Variants in CRYL1 observed in about 807,000 individuals in gnomAD.
The protein encoded by CRYL1 is crystallin lambda 1.
In CRYL1, 29 loss-of-function variants were observed where a neutral mutation model predicts 36.6. That is an observed-to-expected ratio of 0.79 (90% CI 0.59 to 1.08). CRYL1 has a LOEUF of 1.08. Ranked by LOEUF, CRYL1 falls within the 50% of genes least tolerant of loss-of-function variation. The probability of loss-of-function intolerance (pLI) is 0.00; values close to 1 mark genes in which losing one functional copy is unlikely to be tolerated. For synonymous variants in CRYL1, 152 were observed against 151.5 expected (o/e 1.00, Z -0.02); for missense variants, 411 against 407.9 (o/e 1.01, Z -0.06).
chr13:20,445,835 A>G (rs1440700632), intron 3 of CRYL1, among the ~76,000 whole-genome samples: 2 of 152,246 alleles, frequency 1.3e-5, no homozygotes, highest in Non-Finnish European at 2.9e-5. Context: ...GCTTATCATA[A>G]GAGAATCAAG....
At position 20,481,768 on chromosome 13, in the gene CRYL1, C is replaced by T. The variant is rs931184780; in HGVS notation, c.276+7602G>A. ...TCTACTAAAAATACAAAACTTAGCC[C>T]GGCATGGTGGTGGGCGCCTATAATC... On this transcript the variant is annotated intron_variant, in intron 3 of 7. Transcript: ENST00000298248. The surrounding 1 kb of genome is among the most constrained non-coding windows in gnomAD (Gnocchi z 4.1). Among the ~76,000 whole-genome samples the T allele has an allele frequency of 3.3e-5, 5 of 151,970 alleles. No homozygotes were observed. Among genetic ancestry groups the T allele is most frequent in the Non-Finnish European group, 1.5e-5 (1 of 67,962 alleles).
At chr13:20,469,254 T>G (rs1273503520) in intron 3 of CRYL1, among the ~76,000 whole-genome samples, 1 of 152,242 alleles carries the variant, frequency 6.6e-6, no homozygotes, top group Non-Finnish European at 1.5e-5. Flanking sequence ...TAGGACTTTC[T>G]TTTCAACTTC....
intron 3 of CRYL1, among the ~76,000 whole-genome samples, chr13:20,458,515 G>T (rs1050014113): frequency 3.3e-5 from 5 of 152,046 alleles, no homozygotes; most frequent in African/African-American, 1.2e-4. Flanking sequence ...CATTAAAAAA[G>T]TAAAAAGAAA....
intron 2 of CRYL1, among the ~76,000 whole-genome samples, chr13:20,508,783 A>AGC (rs142154938): frequency 0.074 from 10,183 of 138,080 alleles, 472 homozygotes; most frequent in East Asian, 0.12. Flanking sequence ...TAGGAGGTGG[A>AGC]GCTTGCAGCG....
At chr13:20,503,615 T>C (rs2033742599) in intron 2 of CRYL1, among the ~76,000 whole-genome samples, 1 of 152,212 alleles carries the variant, frequency 6.6e-6, no homozygotes, top group Non-Finnish European at 1.5e-5. Flanking sequence ...TGCAAGCCCG[T>C]GGCTAAGCCC....
intron 3 of CRYL1, among the ~76,000 whole-genome samples, chr13:20,453,727 G>A (rs2137421154): frequency 6.6e-6 from 1 of 151,902 alleles, no homozygotes; most frequent in Admixed American, 6.6e-5. Context: ...GGTTTCTTAG[G>A]GAAAAAACAG....
intron 3 of CRYL1, among the ~76,000 whole-genome samples, chr13:20,462,094 T>TGG (rs2032837957): frequency 1.8e-5 from 1 of 56,066 alleles, no homozygotes; most frequent in South Asian, 5.5e-4. Flanking sequence ...GACGGCCTGG[T>TGG]GAGAGGATGG....
intron 1 of CRYL1, among the ~76,000 whole-genome samples, chr13:20,519,657 G>A (rs2034061719): frequency 6.6e-6 from 1 of 152,006 alleles, no homozygotes; most frequent in Non-Finnish European, 1.5e-5. Flanking sequence ...TAGAATATGG[G>A]AAATTTTACA....
chr13:20,520,979 C>T (rs1270078285), intron 1 of CRYL1, among the ~76,000 whole-genome samples: 1 of 151,844 alleles, frequency 6.6e-6, no homozygotes, highest in African/African-American at 2.4e-5. Context: ...TGGCAGGGGC[C>T]TGTAGTCCCA....
chr13:20,458,466 T>C (rs1316555832), intron 3 of CRYL1, among the ~76,000 whole-genome samples: 1 of 152,216 alleles, frequency 6.6e-6, no homozygotes, highest in Non-Finnish European at 1.5e-5. Context: ...AGAAATATAC[T>C]GTGAGCCATA....
intron 1 of CRYL1, among the ~76,000 whole-genome samples, chr13:20,518,421 T>C (rs1036524976): frequency 1.3e-5 from 2 of 152,122 alleles, no homozygotes; most frequent in South Asian, 4.2e-4. Flanking sequence ...AAAGAGTCTG[T>C]TTGCCCAGCT....
At chr13:20,405,306 T>C (rs2313867) in intron 6 of CRYL1, among the ~76,000 whole-genome samples, 3,913 of 151,800 alleles carry the variant, frequency 0.026, 166 homozygotes, top group African/African-American at 0.089. Flanking sequence ...CCTCAGACCT[T>C]GCATGCCACC....
At chr13:20,508,804 G>A (rs1172316242) in intron 2 of CRYL1, among the ~76,000 whole-genome samples, 15 of 131,956 alleles carry the variant, frequency 1.1e-4, no homozygotes, top group African/African-American at 3.6e-4. Context: ...AGCAGAGATC[G>A]CTCCACTGCA....
At chr13:20,439,530 A>AAAAAAAAAAAAAAAAAAAAAAT in intron 4 of CRYL1, 63 bp downstream of exon 4, 1 of 732,456 alleles carries the variant, frequency 1.4e-6, no homozygotes, top group South Asian at 2.5e-5. Context: ...AAAAAAAAAA[A>AAAAAAAAAAAAAAAAAAAAAAT]GAAAAAAAAA....
intron 3 of CRYL1, among the ~76,000 whole-genome samples, chr13:20,468,584 C>A (rs2137442092): frequency 6.6e-6 from 1 of 152,280 alleles, no homozygotes; most frequent in Admixed American, 6.5e-5. Flanking sequence ...ACTGATATCA[C>A]CTTCTCCCTT....
chr13:20,489,906 T>C (rs970678092), intron 2 of CRYL1, among the ~76,000 whole-genome samples: 4 of 152,048 alleles, frequency 2.6e-5, no homozygotes, highest in Admixed American at 2.0e-4. Flanking sequence ...CATCCATCAA[T>C]AGATGAGTAG....
intron 2 of CRYL1, among the ~76,000 whole-genome samples, chr13:20,507,719 C>T (rs567108065): frequency 5.3e-5 from 8 of 151,878 alleles, no homozygotes; most frequent in South Asian, 2.1e-4. Context: ...GAGATCGAGA[C>T]CATCCTGGCT....
chr13:20,420,195 A>G (rs1027739369), intron 5 of CRYL1, among the ~76,000 whole-genome samples: 1 of 152,188 alleles, frequency 6.6e-6, no homozygotes, highest in Admixed American at 6.5e-5. Context: ...ACACCCATAA[A>G]ACACCCGTCC....
rs189823639 is a variant in CRYL1, at chr13:20,505,325, C to T, written c.149+7118G>A. ...TAAGCCAAGATCGTGCCACTGCACT[C>T]CAGCCTGGGCAACAAAGTGAGACTC... is the stretch of plus-strand genomic sequence containing the variant. On this transcript the variant is annotated intron_variant, in intron 2 of 7. Transcript: ENST00000298248. Among the ~76,000 whole-genome samples the T allele has an allele frequency of 2.2e-5, 3 of 137,664 alleles. No homozygotes were observed. The East Asian group carries it at 6.8e-4, about 31-fold the overall frequency. The allele number at this position is 137,664 out of a possible 152,430, so 90.3% of individuals were successfully genotyped here.
Sources: gnomAD v4.1 joint callset for allele counts (sites outside exome capture counted in the v4.1 genomes callset) on GRCh38, gnomAD v4.1.1 for gene constraint, Gnocchi (gnomAD v3.1) non-coding constraint, MANE v1.5 for transcripts, NCBI Gene and HGNC (gene_info 2026-07-23, HGNC 2026-07-21) for gene names.